Variants in PPP2R5C observed in about 807,000 individuals in gnomAD.
The protein encoded by PPP2R5C is serine/threonine-protein phosphatase 2A 56 kDa regulatory subunit gamma isoform.
A neutral mutation model predicts 68.9 loss-of-function variants in PPP2R5C; 7 were observed. The ratio of observed to expected loss-of-function variants is 0.10; its 90% confidence interval spans 0.06 to 0.19. The LOEUF is 0.19. Ranked by LOEUF, PPP2R5C falls within the 10% of genes least tolerant of loss-of-function variation. PPP2R5C has a pLI of 1.00. For synonymous variants in PPP2R5C, 210 were observed against 222.2 expected (o/e 0.95, Z 0.49); for missense variants, 348 against 641.3 (o/e 0.54, Z 4.94).
chr14:101,914,031 T>C (rs1002383261), intron 12 of PPP2R5C: 7 of 372,600 alleles, frequency 1.9e-5, no homozygotes, highest in Non-Finnish European at 3.7e-5. Flanking sequence ...GTTTCACTAC[T>C]GCACATACTG....
intron 6 of PPP2R5C, 38 bp downstream of exon 8, chr14:101,890,334 G>T (rs2044787427): frequency 6.3e-7 from 1 of 1,578,424 alleles, no homozygotes; most frequent in African/African-American, 1.3e-5. Flanking sequence ...GCTGTAGATG[G>T]AATTTATACC....
intron 12 of PPP2R5C, 198 bp downstream of exon 14, chr14:101,912,671 A>G: frequency 8.5e-7 from 1 of 1,175,632 alleles, no homozygotes; most frequent in African/African-American, 1.6e-5. Context: ...TCGTTTTACC[A>G]CAGAATTGAC....
At chr14:101,845,537 G>T (rs145986928) in intron 1 of PPP2R5C, among the ~76,000 whole-genome samples, 1,942 of 151,664 alleles carry the variant, frequency 0.013, 29 homozygotes, top group Non-Finnish European at 0.016. Context: ...GAATGAACTA[G>T]AATTTAGCTT....
chr14:101,840,552 A>C (rs1258641768), intron 1 of PPP2R5C, among the ~76,000 whole-genome samples: 1 of 149,912 alleles, frequency 6.7e-6, no homozygotes, highest in East Asian at 2.0e-4. Flanking sequence ...AACTTTAAGG[A>C]TATTTTTCCA....
At chr14:101,867,203 C>T (rs916648551) in intron 2 of PPP2R5C, among the ~76,000 whole-genome samples, 2 of 150,554 alleles carry the variant, frequency 1.3e-5, no homozygotes, top group African/African-American at 4.9e-5. Context: ...GGCGACAGAG[C>T]GAGACTCTGT....
chr14:101,787,572 G>C (rs1049819707), intron 3 of PPP2R5C, among the ~76,000 whole-genome samples: 2 of 147,408 alleles, frequency 1.4e-5, no homozygotes, highest in African/African-American at 2.6e-5. Flanking sequence ...GACCATCCTG[G>C]CTAACATGGT....
chr14:101,795,764 A>T (rs748174498), intron 3 of PPP2R5C, among the ~76,000 whole-genome samples: 1 of 152,202 alleles, frequency 6.6e-6, no homozygotes, highest in African/African-American at 2.4e-5. Flanking sequence ...TACCAGTTAA[A>T]TATTTTATAT....
chr14:101,926,259 C>G (rs2047285733), exon 14 of PPP2R5C: 2 of 152,404 alleles, frequency 1.3e-5, no homozygotes, highest in Admixed American at 6.5e-5. Flanking sequence ...TGCACGGGGC[C>G]GGCACTGCCG....
intron 2 of PPP2R5C, among the ~76,000 whole-genome samples, chr14:101,860,176 T>C (rs993271954): frequency 6.6e-6 from 1 of 152,196 alleles, no homozygotes; most frequent in Non-Finnish European, 1.5e-5. Flanking sequence ...CTGTACTCAT[T>C]AATAGTCACT....
intron 1 of PPP2R5C, among the ~76,000 whole-genome samples, chr14:101,853,435 T>C (rs1324155363): frequency 1.3e-5 from 2 of 152,174 alleles, no homozygotes; most frequent in Non-Finnish European, 2.9e-5. Flanking sequence ...TAGAACAGTT[T>C]GGATAGAAAT....
Position 101,781,414 on chromosome 14 carries a change from C to T in PPP2R5C, c.94-4604C>T, listed in dbSNP as rs1429788789. Among the ~76,000 whole-genome samples, 1 of 152,114 alleles carries T rather than the reference C, an allele frequency of 6.6e-6. No individual in the cohort carries two copies. Among genetic ancestry groups the T allele is most frequent in the Non-Finnish European group, 1.5e-5 (1 of 67,996 alleles). On this transcript the variant is annotated intron_variant, in intron 2 of 14. Coordinates refer to the PPP2R5C transcript ENST00000328724. This position sits in a 1 kb window ranked among gnomAD's most constrained non-coding sequence, Gnocchi z 6.4. Reference sequence around the variant, plus strand: ...CGCTAGGCTGCCAAGGCGCGCTGTGCGCGTGGGGCCAGGCTCGACCTCACT... The same window carrying T: ...CGCTAGGCTGCCAAGGCGCGCTGTGTGCGTGGGGCCAGGCTCGACCTCACT...
At chr14:101,816,927 A>G (rs1391137747) in intron 1 of PPP2R5C, among the ~76,000 whole-genome samples, 1 of 140,756 alleles carries the variant, frequency 7.1e-6, no homozygotes, top group Non-Finnish European at 1.5e-5. Context: ...ATATTTATAT[A>G]ATATATATAA....
chr14:101,805,642 T>C (rs2039045807), upstream of PPP2R5C, among the ~76,000 whole-genome samples: 1 of 152,098 alleles, frequency 6.6e-6, no homozygotes, highest in African/African-American at 2.4e-5. Context: ...TGACAAAAGG[T>C]GGAAGCAACC....
chr14:101,879,024 G>C lies in PPP2R5C; in HGVS notation c.295-3137G>C, dbSNP rs1217304274. 6.6e-6 allele frequency among the ~76,000 whole-genome samples: 1 copy of C among 152,180 alleles called. No individual in the cohort carries two copies. The highest frequency in any genetic ancestry group is 1.5e-5 in the Non-Finnish European group (1 of 68,024). ...TTGGTTAACTTCTTAGTCATCCCTGGTCACAGAAATCCAATCTAGGTTAAA... is the reference window on the plus strand; with the variant it reads ...TTGGTTAACTTCTTAGTCATCCCTGCTCACAGAAATCCAATCTAGGTTAAA... On this transcript the variant is annotated intron_variant, in intron 2 of 13. Coordinates refer to ENST00000334743, the Ensembl canonical transcript of PPP2R5C. This position sits in a 1 kb window ranked among gnomAD's most constrained non-coding sequence, Gnocchi z 4.2.
upstream of PPP2R5C, among the ~76,000 whole-genome samples, chr14:101,809,280 GAA>G (rs978024331): frequency 3.2e-4 from 49 of 150,968 alleles, no homozygotes; most frequent in Middle Eastern, 3.4e-3. Flanking sequence ...TAGATCTCAA[GAA>G]AAAAAGTGTT....
At chr14:101,776,193 A>G (rs2037413892) in intron 2 of PPP2R5C, among the ~76,000 whole-genome samples, 1 of 152,106 alleles carries the variant, frequency 6.6e-6, no homozygotes, top group Non-Finnish European at 1.5e-5. Context: ...TTTGGGTTTG[A>G]CAGATAATAC....
chr14:101,819,014 C>T, intron 1 of PPP2R5C: 3 of 1,551,284 alleles, frequency 1.9e-6, no homozygotes, highest in Non-Finnish European at 2.6e-6. Flanking sequence ...GAAGAACCCT[C>T]AAGCCCTAAA....
intron 1 of PPP2R5C, among the ~76,000 whole-genome samples, chr14:101,826,112 G>A (rs975428548): frequency 3.3e-5 from 5 of 152,128 alleles, no homozygotes; most frequent in African/African-American, 1.2e-4. Flanking sequence ...CTTTTTCACT[G>A]TCTTGATGGT....
chr14:101,887,916 T>C (rs1245524962), intron 5 of PPP2R5C, among the ~76,000 whole-genome samples: 1 of 152,068 alleles, frequency 6.6e-6, no homozygotes, highest in Non-Finnish European at 1.5e-5. Flanking sequence ...TGAGAAACAC[T>C]CTCTCCGGCT....
Sources: allele counts gnomAD v4.1 joint callset (sites outside exome capture counted in the v4.1 genomes callset), GRCh38; gene constraint gnomAD v4.1.1; non-coding constraint Gnocchi (gnomAD v3.1); transcripts MANE v1.5; gene names NCBI Gene and HGNC (gene_info 2026-07-23, HGNC 2026-07-21).